The following SKAP1 variants were observed in gnomAD, a reference collection of about 807,000 sequenced individuals.
SKAP1 encodes src kinase-associated phosphoprotein 1.
In SKAP1, 44 loss-of-function variants were observed where a neutral mutation model predicts 58.5. The ratio of observed to expected loss-of-function variants is 0.75; its 90% confidence interval spans 0.59 to 0.97. SKAP1 has a LOEUF of 0.97. Among genes scored for constraint, SKAP1 ranks in the 50% least tolerant of loss-of-function variants. The pLI, the probability that SKAP1 is intolerant of heterozygous loss-of-function variation, is 0.00. For missense variants in SKAP1, 390 were observed against 435.2 expected (o/e 0.90, Z 0.92); for synonymous variants, 127 against 149.7 (o/e 0.85, Z 1.11).
intron 4 of SKAP1, chr17:48,231,867 T>C (rs1471442269): frequency 6.6e-6 from 1 of 152,176 alleles, no homozygotes; most frequent in African/African-American, 2.4e-5. Flanking sequence ...AATTCCTATT[T>C]TCTCTATACT....
chr17:48,374,199 TA>T (rs1436142988), intron 2 of SKAP1, among the ~76,000 whole-genome samples: 1 of 125,980 alleles, frequency 7.9e-6, no homozygotes, highest in African/African-American at 3.3e-5. Context: ...CATGCCTGGC[TA>T]ATTTTTGTTT....
At chr17:48,242,838 C>A (rs966373372) in intron 4 of SKAP1, among the ~76,000 whole-genome samples, 21 of 152,156 alleles carry the variant, frequency 1.4e-4, no homozygotes, top group Admixed American at 1.3e-3. Flanking sequence ...TTCTCAGGAA[C>A]CACACTGAAT....
intron 4 of SKAP1, chr17:48,204,142 G>A (rs926032013): frequency 6.6e-6 from 1 of 150,992 alleles, no homozygotes; most frequent in Non-Finnish European, 1.5e-5. Context: ...GGAGTGCAAT[G>A]GTGTGATCTC....
At chr17:48,319,564 G>A (rs2066333423) in intron 4 of SKAP1, among the ~76,000 whole-genome samples, 1 of 152,168 alleles carries the variant, frequency 6.6e-6, no homozygotes, top group African/African-American at 2.4e-5. Flanking sequence ...AAAATTCTGG[G>A]CCAGGTGTGG....
intron 4 of SKAP1, among the ~76,000 whole-genome samples, chr17:48,203,509 A>G (rs1263230193): frequency 2.6e-5 from 4 of 152,244 alleles, no homozygotes; most frequent in African/African-American, 4.8e-5. Context: ...GCAGGTATAT[A>G]AGTAATAATG....
At position 48,158,689 on chromosome 17, in the gene SKAP1, A is replaced by G. The variant is rs548627579; in HGVS notation, c.978+3780T>C. Among the ~76,000 whole-genome samples the G allele has an allele frequency of 1.4e-3, 206 of 149,890 alleles. 2 individuals carry two copies. The highest frequency in any genetic ancestry group is 4.9e-3 in the African/African-American group (202 of 40,844). The stretch of plus-strand genomic sequence containing the variant: ...TTAAGAAACAGCAGAGGCCGGGCGC[A>G]GTGGCTCACGCCTGTAATCCCAGCA... On this transcript the variant is annotated intron_variant, in intron 11 of 12. Coordinates refer to ENST00000336915, the MANE Select transcript of SKAP1 (RefSeq NM_003726.4).
chr17:48,370,121 G>C (rs2067064250), intron 2 of SKAP1, among the ~76,000 whole-genome samples: 1 of 152,032 alleles, frequency 6.6e-6, no homozygotes, highest in South Asian at 2.1e-4. Context: ...AATTCACAGA[G>C]TCTATAAAGA....
Position 48,182,427 on chromosome 17 carries a change from C to T in SKAP1, c.598G>A (p.Asp200Asn). The part of the protein sequence containing the change: ...FTATSPAEAR[D>N]WVDQISFLLK... Reference sequence around the variant, plus strand: ...AAGAAACTTATTTGATCCACCCAGTCTCTGGCTTCTGCTGGACTAGTAGCT... The same window carrying T: ...AAGAAACTTATTTGATCCACCCAGTTTCTGGCTTCTGCTGGACTAGTAGCT... Residue 200 changes from aspartate (D) to asparagine (N), a missense_variant, in exon 8 of 13, where the codon GAC becomes AAC. Asp to Asn is a conservative substitution (Grantham distance 23). Transcript: ENST00000336915. 1 of 1,610,448 alleles carries T rather than the reference C, an allele frequency of 6.2e-7. No homozygotes were observed. The highest frequency in any genetic ancestry group is 2.2e-5 in the East Asian group (1 of 44,724).
At chr17:48,204,701 G>A (rs1055564581) in intron 4 of SKAP1, among the ~76,000 whole-genome samples, 5 of 152,164 alleles carry the variant, frequency 3.3e-5, no homozygotes, top group Non-Finnish European at 7.3e-5. Flanking sequence ...AGGTACCTGG[G>A]CTGTATGAGG....
At chr17:48,250,535 C>T (rs778748534) in intron 4 of SKAP1, among the ~76,000 whole-genome samples, 6 of 151,942 alleles carry the variant, frequency 3.9e-5, no homozygotes, top group Non-Finnish European at 8.8e-5. Flanking sequence ...CCCGTCTCAG[C>T]TTCCCAAAGT....
chr17:48,250,351 A>T (rs1234546877), intron 4 of SKAP1, among the ~76,000 whole-genome samples: 1 of 126,026 alleles, frequency 7.9e-6, no homozygotes, highest in East Asian at 2.3e-4. Flanking sequence ...GCATGATCTC[A>T]GTTCACTGCA....
intron 4 of SKAP1, among the ~76,000 whole-genome samples, chr17:48,292,813 C>T (rs985943975): frequency 6.6e-6 from 1 of 152,178 alleles, no homozygotes; most frequent in South Asian, 2.1e-4. Context: ...ATTACTGATA[C>T]TGCAACTCAT....
intron 4 of SKAP1, among the ~76,000 whole-genome samples, chr17:48,335,278 T>C (rs2066553871): frequency 6.6e-6 from 1 of 151,926 alleles, no homozygotes; most frequent in South Asian, 2.1e-4. Context: ...AGTTTCTGAA[T>C]AGCCTGAAAC....
intron 4 of SKAP1, among the ~76,000 whole-genome samples, chr17:48,286,847 C>T (rs1482323731): frequency 6.6e-6 from 1 of 152,134 alleles, no homozygotes; most frequent in African/African-American, 2.4e-5. Flanking sequence ...GCCTGTAATC[C>T]AGCACTTTGA....
At chr17:48,246,392 T>C (rs769040183) in intron 4 of SKAP1, among the ~76,000 whole-genome samples, 1 of 152,232 alleles carries the variant, frequency 6.6e-6, no homozygotes, top group Non-Finnish European at 1.5e-5. Context: ...TTTGTGGGTA[T>C]AGCCCCGTTG....
Position 48,412,922 on chromosome 17 carries a change from C to T in SKAP1, c.47-16137G>A, listed in dbSNP as rs143514645. Among the ~76,000 whole-genome samples, 511 of 152,038 alleles carry T rather than the reference C, an allele frequency of 3.4e-3. 11 individuals carry two copies. In the East Asian group the frequency reaches 0.038, roughly 11 times the overall value. ...AGGAGGTCACATGTTAATTTAAGTA[C>T]TTGTTTCTTTACCTGCACTACTCAG... On this transcript the variant is annotated intron_variant, in intron 1 of 12. Coordinates refer to ENST00000336915, the MANE Select transcript of SKAP1 (RefSeq NM_003726.4).
the SKAP1 span, among the ~76,000 whole-genome samples, chr17:48,437,696 C>A: frequency 3.1e-5 from 4 of 129,720 alleles, no homozygotes; most frequent in Non-Finnish European, 6.2e-5. Flanking sequence ...GAGCTGAGAT[C>A]GTGTCACTGC....
intron 3 of SKAP1, among the ~76,000 whole-genome samples, chr17:48,359,770 C>A (rs1200509377): frequency 6.6e-6 from 1 of 152,008 alleles, no homozygotes; most frequent in African/African-American, 2.4e-5. Flanking sequence ...CCATGCCCAG[C>A]TAATTTTGTT....
chr17:48,390,652 G>A (rs2067332976), intron 2 of SKAP1, among the ~76,000 whole-genome samples: 1 of 152,196 alleles, frequency 6.6e-6, no homozygotes, highest in Non-Finnish European at 1.5e-5. Context: ...GACTGTAAGG[G>A]TGCAAGTTCA....
Sources: gnomAD v4.1 joint callset for allele counts (sites outside exome capture counted in the v4.1 genomes callset) on GRCh38, gnomAD v4.1.1 for gene constraint, MANE v1.5 for transcripts, NCBI Gene and HGNC (gene_info 2026-07-23, HGNC 2026-07-21) for gene names.